SPINT4: variants seen among roughly 807,000 people sequenced by gnomAD.
SPINT4 encodes the protein serine peptidase inhibitor, Kunitz type 4, also known as kunitz-type protease inhibitor 4.
Under a neutral mutation model 9.4 loss-of-function variants are expected in SPINT4, and 7 were observed. The observed-to-expected ratio is 0.74, with a 90% CI of 0.42 to 1.40. SPINT4 has a LOEUF of 1.40. Ranked by LOEUF, SPINT4 falls within the 40% of genes most tolerant of loss-of-function variation. The pLI is 0.01. For missense variants in SPINT4, 105 were observed against 114.4 expected (o/e 0.92, Z 0.37); for synonymous variants, 36 against 39.9 (o/e 0.90, Z 0.37).
Position 45,722,491 on chromosome 20 carries a change from C to A in SPINT4, c.115+9C>A. On this transcript the variant is annotated intron_variant, in intron 1 of 2. Coordinates refer to ENST00000279058, the MANE Select transcript of SPINT4 (RefSeq NM_178455.3). ...ATGTGGAGACCTCAAAGGTATGAAG[C>A]TAAGGCAGAAAATAAATCCAAAGGT... The A allele has an allele frequency of 6.4e-7, 1 of 1,573,848 alleles. No individual in the cohort carries two copies. Among genetic ancestry groups the A allele is most frequent in the African/African-American group, 1.3e-5 (1 of 74,252 alleles).
rs16990631 is a variant in SPINT4, at chr20:45,722,456, C to T, written c.89C>T (p.Ala30Val). The part of the protein sequence containing the change: ...TLLLGGVNKI[A>V]EKICGDLKDP... ...TTATTGGGTGGTGTTAATAAAATTG[C>T]GGAGAAGATATGTGGAGACCTCAAA... The change falls in exon 1 of 3, where the codon GCG becomes GTG. Residue 30 changes from alanine to valine, a missense_variant. Physicochemically the swap from Ala to Val is moderately conservative, Grantham distance 64. Coordinates refer to ENST00000279058, the MANE Select transcript of SPINT4 (RefSeq NM_178455.3). The T allele has an allele frequency of 4.7e-4, 760 of 1,612,188 alleles. 3 individuals carry two copies. The African/African-American group carries it at 9.1e-3, about 19-fold the overall frequency.
chr20:45,723,033 C>T (rs1984839129), intron 1 of SPINT4, among the ~76,000 whole-genome samples: 1 of 152,052 alleles, frequency 6.6e-6, no homozygotes. Context: ...AAGTTCTGGA[C>T]CTGTTCACTT....
intron 2 of SPINT4, 97 bp from the exon 3 acceptor site, chr20:45,725,532 T>A: frequency 7.7e-7 from 1 of 1,303,600 alleles, no homozygotes; most frequent in Non-Finnish European, 1.1e-6. Flanking sequence ...GCATCCTCTG[T>A]GCTTTCCCTA....
chr20:45,723,710 G>A (rs1600980682), intron 1 of SPINT4, among the ~76,000 whole-genome samples, 170 bp from the exon 2 acceptor site: 2 of 152,202 alleles, frequency 1.3e-5, no homozygotes, highest in Admixed American at 1.3e-4. Flanking sequence ...TTGTGCAAGG[G>A]CAACATTTCC....
rs141517553 is a variant in SPINT4 at position 45,725,710 on chromosome 20, A to T, written c.*75A>T. ...ACAAGAAAATTCAGACTGATTTTGA[A>T]ATCTTTGTAATATTTCCATAATGCT... On this transcript the variant is annotated 3_prime_UTR_variant, in exon 3 of 3. Coordinates refer to ENST00000279058, the MANE Select transcript of SPINT4 (RefSeq NM_178455.3). 34,299 of 1,567,966 alleles carry T rather than the reference A, an allele frequency of 0.022. 701 individuals carry two copies. The highest frequency in any genetic ancestry group is 0.024 in the Non-Finnish European group (27,733 of 1,138,358).
In SPINT4 at chr20:45,723,334, C is replaced by G. The variant is rs577821855; in HGVS notation, c.116-546C>G. Among the ~76,000 whole-genome samples, 540 of 152,052 alleles carry G rather than the reference C, an allele frequency of 3.6e-3. 2 individuals carry two copies. Among genetic ancestry groups the G allele is most frequent in the African/African-American group, 0.013 (521 of 41,464 alleles). ...GAGAAGGCAAGAAAGGAGAAGATGA[C>G]GGGGTATGAGGATGAACGAGCATCA... On this transcript the variant is annotated intron_variant, in intron 1 of 2. Transcript: ENST00000279058.
chr20:45,722,552 G>C (rs1389803905), intron 1 of SPINT4, 70 bp downstream of exon 1: 9 of 1,175,182 alleles, frequency 7.7e-6, no homozygotes, highest in Non-Finnish European at 1.1e-5. Context: ...TGGGAGAAAA[G>C]TGTGTTATCT....
intron 2 of SPINT4, among the ~76,000 whole-genome samples, chr20:45,724,455 GC>G (rs1984880634): frequency 6.7e-6 from 1 of 149,394 alleles, no homozygotes; most frequent in African/African-American, 2.5e-5. Context: ...GTTGCGGCGA[GC>G]CGAGATCGCG....
At chr20:45,722,860 T>A (rs889121967) in intron 1 of SPINT4, among the ~76,000 whole-genome samples, 1 of 152,152 alleles carries the variant, frequency 6.6e-6, no homozygotes, top group Non-Finnish European at 1.5e-5. Flanking sequence ...GTATCTGGGC[T>A]ATGGACATAT....
At chr20:45,725,511 T>G in intron 2 of SPINT4, 118 bp from the exon 3 acceptor site, 16 of 996,134 alleles carry the variant, frequency 1.6e-5, no homozygotes, top group Non-Finnish European at 2.2e-5. Flanking sequence ...AGGGAAACAT[T>G]GAGATAGAAG....
rs753062914 is a variant in SPINT4 at position 45,724,533 on chromosome 20, AC to A, written c.293+478del. 4.2e-4 allele frequency among the ~76,000 whole-genome samples: 53 copies of A among 127,192 alleles called. 2 individuals are homozygous for A. In the East Asian group the frequency reaches 7.6e-3, roughly 18 times the overall value. 83.4% of individuals were successfully genotyped at this position (127,192 alleles called of 152,430 possible). On this transcript the variant is annotated intron_variant, in intron 2 of 2. Coordinates refer to ENST00000279058, the MANE Select transcript of SPINT4 (RefSeq NM_178455.3). ...CATCTAAAAAAAAAAAAAAAAAAAA[AC>A]CACATTTGGGTGGGCTGTCAGGATC...
In SPINT4 at chr20:45,725,650, A is replaced by ATGAAGT. The variant is rs1414855442; in HGVS notation, c.*18_*23dup. On this transcript the variant is annotated 3_prime_UTR_variant, in exon 3 of 3. Coordinates refer to ENST00000279058, the MANE Select transcript of SPINT4 (RefSeq NM_178455.3). ...ACAGGAGGTGAGAGGATGTGAACTC[A>ATGAAGT]TGAAGTTGTCTGCTGCACCATCCGA... 4 of 1,613,682 alleles carry ATGAAGT rather than the reference A, an allele frequency of 2.5e-6. No homozygotes were observed. In the South Asian group the frequency reaches 4.4e-5, roughly 18 times the overall value.
In SPINT4 at chr20:45,722,361, C is replaced by T; in HGVS notation, c.-7C>T. On this transcript the variant is annotated 5_prime_UTR_variant, in exon 1 of 3. Transcript: ENST00000279058. Reference sequence around the variant, plus strand: ...CCACAACTATCCTGCCTGCTGCTTGCTGCACCATGAAGTCTGCCAAGCTGG... The same window carrying T: ...CCACAACTATCCTGCCTGCTGCTTGTTGCACCATGAAGTCTGCCAAGCTGG... The T allele has an allele frequency of 6.3e-7, 1 of 1,595,300 alleles. No individual in the cohort carries two copies. The highest frequency in any genetic ancestry group is 8.6e-7 in the Non-Finnish European group (1 of 1,162,640).
intron 2 of SPINT4, among the ~76,000 whole-genome samples, chr20:45,724,995 A>AATATAT (rs1156730831): frequency 0.015 from 536 of 36,374 alleles, 33 homozygotes; most frequent in Non-Finnish European, 0.019. Context: ...AAAAAAAAAA[A>AATATAT]ATATATATAT....
chr20:45,723,841 T>C, intron 1 of SPINT4, 39 bp from the exon 2 acceptor site: 1 of 1,524,054 alleles, frequency 6.6e-7, no homozygotes, highest in East Asian at 2.4e-5. Context: ...GCTGAGTCCT[T>C]ACCAATTCCC....
At chr20:45,723,749 C>T (rs1185428145) in intron 1 of SPINT4, 131 bp from the exon 2 acceptor site, 1 of 737,554 alleles carries the variant, frequency 1.4e-6, no homozygotes, top group Non-Finnish European at 2.1e-6. Context: ...GAGAAAACCA[C>T]ATCTTTCAGA....
At position 45,724,056 on chromosome 20, in the gene SPINT4, C is replaced by T; in HGVS notation, c.292C>T (p.Pro98Ser). 3 of 1,604,682 alleles carry T rather than the reference C, an allele frequency of 1.9e-6. No individual in the cohort carries two copies. Among genetic ancestry groups the T allele is most frequent in the Non-Finnish European group, 2.5e-6 (3 of 1,177,336 alleles). ...EVACVAKYKP[P>S]R ...AGCCTGTGTTGCAAAATACAAACCACCGTAAGGAATCTAATCCTGTCCTTG... is the reference window on the plus strand; with the variant it reads ...AGCCTGTGTTGCAAAATACAAACCATCGTAAGGAATCTAATCCTGTCCTTG... The change falls in exon 2 of 3, where the codon CCG becomes TCG. Residue 98 changes from proline (P) to serine (S), a missense_variant and splice_region_variant. Transcript: ENST00000279058.
At chr20:45,724,797 A>G (rs1426279463) in intron 2 of SPINT4, among the ~76,000 whole-genome samples, 1 of 148,820 alleles carries the variant, frequency 6.7e-6, no homozygotes, top group Non-Finnish European at 1.5e-5. Flanking sequence ...TGGCTAACAC[A>G]GTGAAACCCC....
chr20:45,724,016 A>G lies in SPINT4; in HGVS notation c.252A>G (p.Lys84=). The part of the protein sequence containing the change: ...CNGNLNNFKL[K]IEREVACVAK... The stretch of plus-strand genomic sequence containing the variant: ...GCAACCTTAACAACTTCAAGCTTAA[A>G]ATAGAACGTGAAGTAGCCTGTGTTG... Residue 84 remains lysine, a synonymous_variant, in exon 2 of 3, where the codon AAA becomes AAG. Transcript: ENST00000279058. 6.2e-7 allele frequency: 1 copy of G among 1,610,926 alleles called. No individual in the cohort carries two copies.
Sources: allele counts gnomAD v4.1 joint callset (sites outside exome capture counted in the v4.1 genomes callset), GRCh38; gene constraint gnomAD v4.1.1; transcripts MANE v1.5; gene names NCBI Gene and HGNC (gene_info 2026-07-23, HGNC 2026-07-21).